Variants in UBE3C observed in about 807,000 individuals in gnomAD.
The protein encoded by UBE3C is ubiquitin protein ligase E3C.
UBE3C carries 42 observed loss-of-function variants against 129.4 expected under a neutral mutation model. That is an observed-to-expected ratio of 0.32 (90% CI 0.25 to 0.42). The LOEUF (loss-of-function observed/expected upper bound fraction) is 0.42, where lower values mean the gene tolerates loss of function less well. Ranked by LOEUF, UBE3C falls within the 10% of genes least tolerant of loss-of-function variation. The pLI, the probability that UBE3C is intolerant of heterozygous loss-of-function variation, is 1.00. For synonymous variants in UBE3C, 510 were observed against 492.4 expected (o/e 1.04, Z -0.47); for missense variants, 1,049 against 1,319.1 (o/e 0.80, Z 3.17).
intron 13 of UBE3C, among the ~76,000 whole-genome samples, chr7:157,210,919 G>A (rs925922970): frequency 4.6e-5 from 7 of 152,214 alleles, no homozygotes; most frequent in Non-Finnish European, 7.3e-5. Flanking sequence ...TGTAAGAATT[G>A]AGGTCACTTT....
Position 157,268,255 on chromosome 7 carries a change from T to C in UBE3C, c.*500T>C, listed in dbSNP as rs1391256444. On this transcript the variant is annotated 3_prime_UTR_variant, in exon 23 of 23. Transcript: ENST00000348165. Reference sequence around the variant, plus strand: ...AACTGAAGGCATTTTTTTTTTCTGCTGCCTTTCCCAAAGTGGTTAGGTTTG... The same window carrying C: ...AACTGAAGGCATTTTTTTTTTCTGCCGCCTTTCCCAAAGTGGTTAGGTTTG... 1 of 152,730 alleles carries C rather than the reference T, an allele frequency of 6.5e-6. No individual in the cohort carries two copies. The highest frequency in any genetic ancestry group is 1.5e-5 in the Non-Finnish European group (1 of 68,104). The allele number at this position is 152,730 out of a possible 1,614,324, so 9.5% of individuals were successfully genotyped here. A position where few individuals can be genotyped will look rare whatever the true frequency, so the allele number is the denominator to read the frequency against.
chr7:157,198,028 C>T (rs1809171990), intron 10 of UBE3C: 2 of 1,604,764 alleles, frequency 1.2e-6, no homozygotes, highest in Non-Finnish European at 1.7e-6. Flanking sequence ...ACTTGGCCAC[C>T]ATGAACAAGG....
chr7:157,150,738 AT>A (rs1388000986), intron 1 of UBE3C, among the ~76,000 whole-genome samples: 3 of 152,260 alleles, frequency 2.0e-5, no homozygotes, highest in Non-Finnish European at 4.4e-5. Context: ...TGCAGTCTGC[AT>A]TTAAATTATG....
At chr7:157,243,618 C>T (rs979364666) in intron 18 of UBE3C, among the ~76,000 whole-genome samples, 3 of 152,106 alleles carry the variant, frequency 2.0e-5, no homozygotes, top group Admixed American at 6.5e-5. Flanking sequence ...GCATGTGAGG[C>T]GCAGGGGACA....
At chr7:157,245,726 G>A (rs1011016546) in intron 18 of UBE3C, among the ~76,000 whole-genome samples, 17 of 152,136 alleles carry the variant, frequency 1.1e-4, no homozygotes, top group African/African-American at 3.4e-4. Context: ...ATGTTATGCC[G>A]GCTCTAGTTA....
intron 22 of UBE3C, among the ~76,000 whole-genome samples, chr7:157,259,472 A>G (rs1405819705): frequency 6.6e-6 from 1 of 152,258 alleles, no homozygotes; most frequent in Admixed American, 6.5e-5. Flanking sequence ...GCAAGCCTTC[A>G]TAATGGCCAA....
At chr7:157,153,356 GA>G (rs1049359367) in intron 1 of UBE3C, among the ~76,000 whole-genome samples, 61 of 150,788 alleles carry the variant, frequency 4.0e-4, no homozygotes, top group Admixed American at 7.3e-4. Context: ...GTGTAACCTT[GA>G]AAAAAAAATA....
At chr7:157,193,799 C>T (rs1809041419) in intron 10 of UBE3C, among the ~76,000 whole-genome samples, 1 of 151,760 alleles carries the variant, frequency 6.6e-6, no homozygotes, top group Non-Finnish European at 1.5e-5. Context: ...GAGATGATTA[C>T]AAATTTAAGA....
intron 22 of UBE3C, among the ~76,000 whole-genome samples, chr7:157,263,663 C>CA (rs375631649): frequency 0.04 from 3,011 of 76,140 alleles, 46 homozygotes; most frequent in African/African-American, 0.073. Flanking sequence ...GACGCCAACT[C>CA]AAAAAAAAAA....
chr7:157,220,409 T>G (rs1795705470), intron 14 of UBE3C, among the ~76,000 whole-genome samples: 1 of 152,256 alleles, frequency 6.6e-6, no homozygotes, highest in South Asian at 2.1e-4. Flanking sequence ...GCAATTATAT[T>G]ATTTTACTAT....
At chr7:157,187,392 T>TCTC (rs397972242) in intron 10 of UBE3C, among the ~76,000 whole-genome samples, 45 of 143,554 alleles carry the variant, frequency 3.1e-4, no homozygotes, top group African/African-American at 1.0e-3. Context: ...TTTTTTTTTT[T>TCTC]CTTCTTCTTC....
At chr7:157,247,837 A>G (rs1796519430) in intron 18 of UBE3C, among the ~76,000 whole-genome samples, 1 of 152,204 alleles carries the variant, frequency 6.6e-6, no homozygotes, top group Non-Finnish European at 1.5e-5. Context: ...GCGGTTATGA[A>G]CTGGGACCCC....
chr7:157,188,305 T>C (rs1808865253), intron 10 of UBE3C, among the ~76,000 whole-genome samples: 1 of 152,224 alleles, frequency 6.6e-6, no homozygotes. Flanking sequence ...TTCTTTGAAA[T>C]GAACTGTAAG....
intron 18 of UBE3C, among the ~76,000 whole-genome samples, chr7:157,240,105 CAG>C (rs148977395): frequency 0.021 from 3,219 of 152,154 alleles, 105 homozygotes; most frequent in African/African-American, 0.074. Flanking sequence ...TTTTTTGAGA[CAG>C]AGTCTTGCTC....
chr7:157,215,725 G>A (rs1017209200), intron 13 of UBE3C, among the ~76,000 whole-genome samples: 45 of 151,862 alleles, frequency 3.0e-4, no homozygotes, highest in African/African-American at 9.9e-4. Context: ...CTCTGTAGTA[G>A]TTATATGATC....
At chr7:157,182,365 T>C in intron 8 of UBE3C, 37 bp downstream of exon 8, 1 of 1,597,886 alleles carries the variant, frequency 6.3e-7, no homozygotes, top group Non-Finnish European at 8.6e-7. Context: ...TGAACACACA[T>C]ATGGGTAGCA....
chr7:157,265,544 T>G (rs967126846), intron 22 of UBE3C, among the ~76,000 whole-genome samples: 1 of 152,192 alleles, frequency 6.6e-6, no homozygotes, highest in Non-Finnish European at 1.5e-5. Context: ...CATTGCATCA[T>G]TTTTTGTAAA....
At chr7:157,179,945 CTAA>C (rs1808625050) in intron 6 of UBE3C, among the ~76,000 whole-genome samples, 4 of 152,304 alleles carry the variant, frequency 2.6e-5, no homozygotes, top group East Asian at 1.9e-4. Context: ...TTTTTAAAAA[CTAA>C]TAATTAAAAG....
At chr7:157,151,230 C>T (rs1162670927) in intron 1 of UBE3C, among the ~76,000 whole-genome samples, 4 of 152,222 alleles carry the variant, frequency 2.6e-5, no homozygotes, top group African/African-American at 9.6e-5. Flanking sequence ...GCTGGCGCTG[C>T]AAAACAAATA....
Sources: gnomAD v4.1 joint callset for allele counts (sites outside exome capture counted in the v4.1 genomes callset) on GRCh38, gnomAD v4.1.1 for gene constraint, MANE v1.5 for transcripts, NCBI Gene and HGNC (gene_info 2026-07-23, HGNC 2026-07-21) for gene names.